ATP8A2: variants seen among roughly 807,000 people sequenced by gnomAD.
ATP8A2 encodes the protein phospholipid-transporting ATPase IB.
A neutral mutation model predicts 165.6 loss-of-function variants in ATP8A2; 100 were observed. The observed-to-expected ratio is 0.60, with a 90% CI of 0.51 to 0.71. The LOEUF (loss-of-function observed/expected upper bound fraction) is 0.71. Ranked by LOEUF, ATP8A2 falls within the 30% of genes least tolerant of loss-of-function variation. The pLI, the probability that ATP8A2 is intolerant of heterozygous loss-of-function variation, is 0.00. For synonymous variants in ATP8A2, 543 were observed against 548.8 expected, an observed-to-expected ratio of 0.99 and a Z score of 0.15; for missense variants, 1,227 against 1,479.5, an observed-to-expected ratio of 0.83 and a Z score of 2.80.
intron 1 of ATP8A2, among the ~76,000 whole-genome samples, chr13:25,416,394 T>C (rs2034133791): frequency 6.6e-6 from 1 of 152,172 alleles, no homozygotes; most frequent in South Asian, 2.1e-4. Flanking sequence ...GTCATTGCCA[T>C]TGGACTTGTT....
chr13:25,729,349 A>G (rs2043564804), intron 25 of ATP8A2, among the ~76,000 whole-genome samples: 1 of 152,214 alleles, frequency 6.6e-6, no homozygotes, highest in South Asian at 2.1e-4. Flanking sequence ...GAAGGATGGA[A>G]AGTGACTAAA....
At chr13:25,644,356 T>C (rs2041615349) in intron 24 of ATP8A2, among the ~76,000 whole-genome samples, 1 of 152,306 alleles carries the variant, frequency 6.6e-6, no homozygotes, top group Non-Finnish European at 1.5e-5. Flanking sequence ...TAATATAGTG[T>C]ATCACATTTA....
chr13:25,777,332 A>G (rs866827083), intron 27 of ATP8A2, among the ~76,000 whole-genome samples: 4 of 152,182 alleles, frequency 2.6e-5, no homozygotes, highest in African/African-American at 9.7e-5. Flanking sequence ...TTTCGCATCA[A>G]CATGCACTTC....
At chr13:25,382,779 A>G (rs913877213) in intron 1 of ATP8A2, among the ~76,000 whole-genome samples, 12 of 149,758 alleles carry the variant, frequency 8.0e-5, no homozygotes, top group Non-Finnish European at 1.3e-4. Flanking sequence ...TTTTTGAGAC[A>G]GAGTCTCGCT....
Position 25,530,059 on chromosome 13 carries a change from A to G in ATP8A2, c.282A>G (p.Arg94=), listed in dbSNP as rs1187118086. ...LPRFLYEQIR[R]AANAFFLFIA... ...GATTCTTGTATGAGCAGATTAGAAG[A>G]GCTGCTAATGCCTTCTTTCTCTTCA... Residue 94 remains arginine (R), a synonymous_variant, in exon 3 of 37, where the codon AGA becomes AGG. Transcript: ENST00000381655. The G allele has an allele frequency of 2.5e-6, 4 of 1,612,316 alleles. No individual in the cohort carries two copies. In the Admixed American group the frequency reaches 5.0e-5, roughly 20 times the overall value.
intron 24 of ATP8A2, among the ~76,000 whole-genome samples, chr13:25,678,875 G>A (rs748052850): frequency 1.3e-5 from 2 of 152,192 alleles, no homozygotes; most frequent in African/African-American, 2.4e-5. Flanking sequence ...GTATGTGAAA[G>A]CATGCAGTAA....
At chr13:25,730,883 C>G (rs995808681) in intron 25 of ATP8A2, among the ~76,000 whole-genome samples, 3 of 152,004 alleles carry the variant, frequency 2.0e-5, no homozygotes, top group Non-Finnish European at 4.4e-5. Context: ...GGAGACCAGC[C>G]TGGGAAACAA....
chr13:25,907,190 A>AC (rs1953965550), intron 33 of ATP8A2, among the ~76,000 whole-genome samples: 1 of 152,066 alleles, frequency 6.6e-6, no homozygotes, highest in Admixed American at 6.6e-5. Context: ...CCACTGTGCT[A>AC]CCCGTGTGGA....
intron 25 of ATP8A2, among the ~76,000 whole-genome samples, chr13:25,756,988 C>T (rs1440944455): frequency 6.6e-6 from 1 of 152,186 alleles, no homozygotes; most frequent in East Asian, 1.9e-4. Context: ...CCTGCTCGCT[C>T]AGCGCATTCG....
At chr13:25,991,725 C>A (rs9578947) in intron 35 of ATP8A2, among the ~76,000 whole-genome samples, 1 of 152,134 alleles carries the variant, frequency 6.6e-6, no homozygotes, top group African/African-American at 2.4e-5. Context: ...ATGTACCACG[C>A]GTTGCTTGAC....
At chr13:25,390,498 C>T (rs187491778) in intron 1 of ATP8A2, among the ~76,000 whole-genome samples, 1 of 152,254 alleles carries the variant, frequency 6.6e-6, no homozygotes, top group East Asian at 1.9e-4. Flanking sequence ...ACTCAGTTTC[C>T]TTCCCCTCTC....
At chr13:25,973,648 T>C (rs1955962364) in intron 35 of ATP8A2, among the ~76,000 whole-genome samples, 1 of 152,250 alleles carries the variant, frequency 6.6e-6, no homozygotes, top group Non-Finnish European at 1.5e-5. Context: ...TGTCATGCTT[T>C]GATCTTTAAC....
chr13:25,612,988 C>A (rs974424902), intron 24 of ATP8A2, among the ~76,000 whole-genome samples: 6 of 151,836 alleles, frequency 4.0e-5, no homozygotes, highest in African/African-American at 9.7e-5. Flanking sequence ...TTTTTTCTAC[C>A]CCTTTACCTT....
chr13:25,663,231 A>G (rs1024204579), intron 24 of ATP8A2, among the ~76,000 whole-genome samples: 2 of 152,246 alleles, frequency 1.3e-5, no homozygotes, highest in Middle Eastern at 6.3e-3. Flanking sequence ...TAGGTTTAAT[A>G]AAATTCAGCC....
chr13:25,720,302 A>T (rs1174597451), intron 25 of ATP8A2, among the ~76,000 whole-genome samples: 1 of 150,964 alleles, frequency 6.6e-6, no homozygotes, highest in African/African-American at 2.4e-5. Flanking sequence ...AGCTGGGACT[A>T]CAGGTGCCCA....
chr13:25,681,221 C>T (rs753757190), intron 24 of ATP8A2, among the ~76,000 whole-genome samples: 4 of 152,118 alleles, frequency 2.6e-5, no homozygotes, highest in South Asian at 4.1e-4. Context: ...TCCAGATACC[C>T]GGCATGCTTG....
intron 27 of ATP8A2, among the ~76,000 whole-genome samples, chr13:25,810,671 CTG>C (rs1163965572): frequency 6.6e-6 from 1 of 150,512 alleles, no homozygotes; most frequent in African/African-American, 2.5e-5. Flanking sequence ...TAATATATGA[CTG>C]TGTCTATCTT....
intron 16 of ATP8A2, among the ~76,000 whole-genome samples, chr13:25,569,215 G>A (rs921745460): frequency 1.3e-5 from 2 of 152,094 alleles, no homozygotes; most frequent in Non-Finnish European, 2.9e-5. Flanking sequence ...TGCAATGCAG[G>A]CCTTGAGGAA....
intron 24 of ATP8A2, among the ~76,000 whole-genome samples, chr13:25,681,926 C>T (rs137963961): frequency 1.7e-3 from 255 of 152,212 alleles, no homozygotes; most frequent in African/African-American, 5.9e-3. Flanking sequence ...TCTGGTTTGC[C>T]CTGTAACTGA....
Sources: allele counts gnomAD v4.1 joint callset (sites outside exome capture counted in the v4.1 genomes callset), GRCh38; gene constraint gnomAD v4.1.1; transcripts MANE v1.5; gene names NCBI Gene and HGNC (gene_info 2026-07-23, HGNC 2026-07-21).